DNAH14: variants seen among roughly 807,000 people sequenced by gnomAD.
DNAH14 encodes the protein axonemal beta dynein heavy chain 14.
In DNAH14, 478 loss-of-function variants were observed where a neutral mutation model predicts 520.9. The ratio of observed to expected loss-of-function variants is 0.92; its 90% CI spans 0.85 to 0.99. The LOEUF is 0.99. Ranked by LOEUF, DNAH14 falls within the 50% of genes least tolerant of loss-of-function variation. The pLI, the probability that DNAH14 is intolerant of heterozygous loss-of-function variation, is 0.00. For missense variants in DNAH14, 4,831 were observed against 5,234.5 expected (o/e 0.92, Z 2.38); for synonymous variants, 1,581 against 1,757.2 (o/e 0.90, Z 2.51).
chr1:225,250,692 G>A, intron 43 of DNAH14: 1 of 557,852 alleles, frequency 1.8e-6, no homozygotes, highest in Non-Finnish European at 3.3e-6. Flanking sequence ...GGCAGACGGA[G>A]AAAGGGGAAC....
intron 71 of DNAH14, among the ~76,000 whole-genome samples, chr1:225,348,583 T>C (rs1267836425): frequency 6.6e-6 from 1 of 152,148 alleles, no homozygotes; most frequent in Non-Finnish European, 1.5e-5. Flanking sequence ...TTCAAAGTGC[T>C]AAAAGAAAAA....
rs1354726897 is a variant in DNAH14 at position 225,079,309 on chromosome 1, A to G, written c.2527A>G (p.Lys843Glu). The change falls in exon 18 of 86, where the codon AAA (lysine) becomes GAA (glutamate). Residue 843 changes from lysine to glutamate, a missense_variant. Physicochemically the swap from Lys to Glu is moderately conservative, Grantham distance 56. Transcript: ENST00000682510. ...GAATGCAATTTCCTCAAAAATATCT[A>G]AATTAGAAAAAGAGTTCTTAACAAT... is the stretch of plus-strand genomic sequence containing the variant. ...FLNAISSKISKLEKEFLTMSQ... is the reference protein window; with the variant it reads ...FLNAISSKISELEKEFLTMSQ... The G allele has an allele frequency of 2.6e-6, 4 of 1,549,980 alleles. No homozygotes were observed. The East Asian group carries it at 9.8e-5, about 38-fold the overall frequency.
At chr1:224,939,218 G>T (rs1274286949) in intron 1 of DNAH14, among the ~76,000 whole-genome samples, 1 of 152,084 alleles carries the variant, frequency 6.6e-6, no homozygotes, top group Non-Finnish European at 1.5e-5. Context: ...TTAATTTATT[G>T]TCTTCTGGCT....
chr1:225,152,587 A>G, intron 32 of DNAH14, 110 bp from the exon 33 acceptor site: 1 of 998,758 alleles, frequency 1.0e-6, no homozygotes, highest in Non-Finnish European at 1.4e-6. Flanking sequence ...ATTTTCAGAT[A>G]AAGGTCACAC....
At chr1:225,057,466 A>G (rs1041733282) in intron 17 of DNAH14, among the ~76,000 whole-genome samples, 7 of 152,222 alleles carry the variant, frequency 4.6e-5, no homozygotes, top group Non-Finnish European at 8.8e-5. Context: ...CAATCATGTC[A>G]TCTGCAAACA....
chr1:225,043,720 C>A, intron 13 of DNAH14, 24 bp from the exon 14 acceptor site: 2 of 1,424,954 alleles, frequency 1.4e-6, no homozygotes, highest in South Asian at 2.5e-5. Context: ...TGTATTTTCT[C>A]TTTCTTTCAA....
At chr1:225,265,794 C>A (rs932707974) in intron 48 of DNAH14, among the ~76,000 whole-genome samples, 1 of 151,952 alleles carries the variant, frequency 6.6e-6, no homozygotes, top group South Asian at 2.1e-4. Context: ...TCTTTGCCTA[C>A]ATAGGTAAAC....
At chr1:225,310,017 A>T (rs914673291) in intron 60 of DNAH14, among the ~76,000 whole-genome samples, 2 of 151,690 alleles carry the variant, frequency 1.3e-5, no homozygotes, top group African/African-American at 4.8e-5. Context: ...CCTAAAACTT[A>T]AAGTATAATA....
chr1:225,297,681 G>C (rs988127698), intron 55 of DNAH14, among the ~76,000 whole-genome samples: 2 of 152,220 alleles, frequency 1.3e-5, no homozygotes, highest in African/African-American at 4.8e-5. Context: ...GTGAGGGTTT[G>C]TGGAGGCAAT....
At chr1:224,931,375 G>A (rs910286520) in intron 1 of DNAH14, among the ~76,000 whole-genome samples, 4 of 152,050 alleles carry the variant, frequency 2.6e-5, no homozygotes, top group African/African-American at 9.7e-5. Flanking sequence ...GTTTTTATTT[G>A]TACCAGATTA....
At chr1:225,091,077 G>A (rs2074347737) in intron 21 of DNAH14, among the ~76,000 whole-genome samples, 1 of 151,980 alleles carries the variant, frequency 6.6e-6, no homozygotes, top group African/African-American at 2.4e-5. Context: ...TTAAAATAGA[G>A]ACTTTACCAA....
chr1:224,959,538 A>G (rs16858831), intron 3 of DNAH14, among the ~76,000 whole-genome samples: 8,365 of 152,182 alleles, frequency 0.055, 469 homozygotes, highest in East Asian at 0.23. Flanking sequence ...GAGAACAAGA[A>G]AATGTATTTC....
At chr1:224,966,688 A>AT (rs1558539975) in intron 5 of DNAH14, among the ~76,000 whole-genome samples, 1 of 152,034 alleles carries the variant, frequency 6.6e-6, no homozygotes, top group African/African-American at 2.4e-5. Context: ...CAAAATATTC[A>AT]TTTTTTAAAA....
intron 35 of DNAH14, among the ~76,000 whole-genome samples, chr1:225,165,548 G>GT (rs548760377): frequency 0.018 from 2,494 of 141,442 alleles, 26 homozygotes; most frequent in South Asian, 0.027. Flanking sequence ...TATAGATTTT[G>GT]TTTTTTTTTT....
At chr1:225,037,602 A>G (rs1024517416) in intron 11 of DNAH14, among the ~76,000 whole-genome samples, 2 of 152,068 alleles carry the variant, frequency 1.3e-5, no homozygotes, top group Non-Finnish European at 2.9e-5. Context: ...GAAAAATTGT[A>G]GTTCTTTTTG....
intron 34 of DNAH14, among the ~76,000 whole-genome samples, chr1:225,156,626 T>TC (rs1416290583): frequency 6.6e-6 from 1 of 151,976 alleles, no homozygotes. Context: ...CCTCTGTGTG[T>TC]CCCTGCATCT....
intron 8 of DNAH14, among the ~76,000 whole-genome samples, chr1:224,990,663 T>C (rs1206480436): frequency 4.6e-5 from 7 of 152,230 alleles, no homozygotes; most frequent in African/African-American, 1.7e-4. Context: ...TTCCATTGCA[T>C]ATAGATACCA....
At chr1:225,174,088 A>G (rs1396474610) in intron 36 of DNAH14, among the ~76,000 whole-genome samples, 1 of 152,110 alleles carries the variant, frequency 6.6e-6, no homozygotes, top group Non-Finnish European at 1.5e-5. Context: ...AGGAAGGGGA[A>G]CATCACACAC....
intron 60 of DNAH14, among the ~76,000 whole-genome samples, chr1:225,318,292 A>ACTC (rs2094501149): frequency 6.6e-6 from 1 of 152,138 alleles, no homozygotes; most frequent in African/African-American, 2.4e-5. Flanking sequence ...CATTCCTCAA[A>ACTC]AGGGCATTGT....
Sources: gnomAD v4.1 joint callset for allele counts (sites outside exome capture counted in the v4.1 genomes callset) on GRCh38, gnomAD v4.1.1 for gene constraint, MANE v1.5 for transcripts, NCBI Gene and HGNC (gene_info 2026-07-23, HGNC 2026-07-21) for gene names.